Variants in SH2D4B observed in about 807,000 individuals in gnomAD.
SH2D4B encodes SH2 domain-containing protein 4B.
SH2D4B carries 45 observed loss-of-function variants against 61.5 expected under a neutral mutation model. The ratio of observed to expected loss-of-function variants is 0.73; its 90% CI spans 0.58 to 0.94. SH2D4B has a LOEUF of 0.94. Among genes scored for constraint, SH2D4B ranks in the 40% least tolerant of loss-of-function variants. The probability of loss-of-function intolerance (pLI) is 0.00; values close to 1 mark genes in which losing one functional copy is unlikely to be tolerated. For missense variants in SH2D4B, 572 were observed against 574.2 expected (o/e 1.00, Z 0.04); for synonymous variants, 224 against 220.4 (o/e 1.02, Z -0.14).
At chr10:80,619,541 G>A (rs1842694784) in intron 6 of SH2D4B, among the ~76,000 whole-genome samples, 1 of 152,204 alleles carries the variant, frequency 6.6e-6, no homozygotes, top group Non-Finnish European at 1.5e-5. Flanking sequence ...CTGGGCTTCT[G>A]CCTCAGTTCC....
At chr10:80,612,402 G>C (rs1842613611) in intron 6 of SH2D4B, among the ~76,000 whole-genome samples, 2 of 151,998 alleles carry the variant, frequency 1.3e-5, no homozygotes, top group Non-Finnish European at 2.9e-5. Context: ...GGGCTTGGTT[G>C]GGCGTCTCAG....
intron 1 of SH2D4B, among the ~76,000 whole-genome samples, chr10:80,568,466 G>A (rs1292008884): frequency 6.6e-6 from 1 of 152,104 alleles, no homozygotes; most frequent in African/African-American, 2.4e-5. Context: ...TGGGAAGCAG[G>A]GCCTTGGGCA....
At position 80,549,365 on chromosome 10, in the gene SH2D4B, G is replaced by A. The variant is rs79727876; in HGVS notation, c.184+10850G>A. ...GGCCCTGCCGTGCAGTGGGTGCTTC[G>A]CCCAGGTTTGTGGCCTTGACATTGA... On this transcript the variant is annotated intron_variant, in intron 1 of 7. Transcript: ENST00000646907. Among the ~76,000 whole-genome samples the A allele has an allele frequency of 1.0e-3, 158 of 152,302 alleles. 3 individuals are homozygous for A. The East Asian group carries it at 0.027, about 26-fold the overall frequency.
At chr10:80,582,111 C>G (rs901024958) in intron 3 of SH2D4B, among the ~76,000 whole-genome samples, 2 of 152,180 alleles carry the variant, frequency 1.3e-5, no homozygotes, top group Non-Finnish European at 2.9e-5. Context: ...AGGTAAGTGA[C>G]TTCTTCTAAT....
chr10:80,618,473 T>G (rs1842682996), intron 6 of SH2D4B, among the ~76,000 whole-genome samples: 1 of 152,180 alleles, frequency 6.6e-6, no homozygotes, highest in African/African-American at 2.4e-5. Context: ...ATGGTTAAAT[T>G]TCATTTGGCG....
intron 7 of SH2D4B, among the ~76,000 whole-genome samples, chr10:80,638,452 C>T (rs1200746191): frequency 6.6e-6 from 1 of 152,140 alleles, no homozygotes; most frequent in Non-Finnish European, 1.5e-5. Context: ...TAATTATTGC[C>T]TCAATTTCAG....
chr10:80,614,151 G>T (rs1439411397), intron 6 of SH2D4B, among the ~76,000 whole-genome samples: 3 of 152,160 alleles, frequency 2.0e-5, no homozygotes, highest in Admixed American at 1.3e-4. Context: ...TTTTTGTGTT[G>T]CTGTAAACAA....
At chr10:80,584,168 G>T (rs907224339) in intron 3 of SH2D4B, among the ~76,000 whole-genome samples, 3 of 152,186 alleles carry the variant, frequency 2.0e-5, no homozygotes, top group African/African-American at 7.2e-5. Flanking sequence ...TGCATTCTTA[G>T]CTGAGAAGTG....
In SH2D4B at chr10:80,570,222, G is replaced by C; in HGVS notation, c.253G>C (p.Glu85Gln). ...DGEVWVWIMG[E>Q]GPGDKPYEEI... ...CGAGGTCTGGGTCTGGATCATGGGA[G>C]AAGGCCCTGGTGACAAGCCCTACGA... The change falls in exon 2 of 8, where the codon GAA (glutamate) becomes CAA (glutamine). Residue 85 changes from glutamate to glutamine, a missense_variant. Transcript: ENST00000646907. The C allele has an allele frequency of 6.2e-7, 1 of 1,614,186 alleles. No homozygotes were observed. The highest frequency in any genetic ancestry group is 8.5e-7 in the Non-Finnish European group (1 of 1,180,024).
chr10:80,639,674 C>G (rs1240247998), intron 7 of SH2D4B, among the ~76,000 whole-genome samples: 1 of 152,140 alleles, frequency 6.6e-6, no homozygotes, highest in Non-Finnish European at 1.5e-5. Context: ...CTATGTGTGT[C>G]TCTGCATGTG....
chr10:80,640,695 T>G (rs1189638339), intron 7 of SH2D4B, among the ~76,000 whole-genome samples: 2 of 152,204 alleles, frequency 1.3e-5, no homozygotes, highest in Non-Finnish European at 2.9e-5. Context: ...TTGTCTAATC[T>G]TTTTTCAAGG....
Position 80,571,502 on chromosome 10 carries a change from C to A in SH2D4B, c.419C>A (p.Ala140Glu). The change falls in exon 3 of 8, where the codon GCG becomes GAG. Residue 140 changes from alanine (A) to glutamate (E), a missense_variant. Physicochemically the swap from Ala to Glu is moderately radical, Grantham distance 107. Coordinates refer to ENST00000646907, the MANE Select transcript of SH2D4B (RefSeq NM_001388272.1). The stretch of plus-strand genomic sequence containing the variant: ...GCCAATGAGAAAGCCCGGATCTTGG[C>A]GGAGAAGTGGAAAGTGGAGATGGAA... ...ALANEKARILAEKWKVEMEDR... is the reference protein window; with the variant it reads ...ALANEKARILEEKWKVEMEDR... 1 of 1,614,086 alleles carries A rather than the reference C, an allele frequency of 6.2e-7. No individual in the cohort carries two copies. Among genetic ancestry groups the A allele is most frequent in the Non-Finnish European group, 8.5e-7 (1 of 1,180,008 alleles).
chr10:80,641,646 C>T (rs1211629584), intron 7 of SH2D4B, among the ~76,000 whole-genome samples: 1 of 152,232 alleles, frequency 6.6e-6, no homozygotes, highest in African/African-American at 2.4e-5. Flanking sequence ...GTTTGCTTTT[C>T]CTGTATAATA....
intron 1 of SH2D4B, among the ~76,000 whole-genome samples, chr10:80,552,988 T>G (rs1332122584): frequency 6.6e-6 from 1 of 152,142 alleles, no homozygotes; most frequent in Non-Finnish European, 1.5e-5. Flanking sequence ...CGATCTTGGC[T>G]CACTGCAACC....
chr10:80,581,886 G>A (rs539954240), intron 3 of SH2D4B, among the ~76,000 whole-genome samples: 2 of 152,144 alleles, frequency 1.3e-5, no homozygotes, highest in African/African-American at 4.8e-5. Flanking sequence ...TGGGTCCTTT[G>A]GTATACTTCA....
chr10:80,562,925 GGAGTCTCGCTCTGT>G (rs1841920747), intron 1 of SH2D4B, among the ~76,000 whole-genome samples: 4 of 128,820 alleles, frequency 3.1e-5, no homozygotes, highest in African/African-American at 5.9e-5. Flanking sequence ...TTTTTGAGAC[GGAGTCTCGCTCTGT>G]CGCCCAGGCT....
chr10:80,611,170 A>G (rs1842593245), intron 6 of SH2D4B, among the ~76,000 whole-genome samples: 1 of 106,432 alleles, frequency 9.4e-6, no homozygotes, highest in Non-Finnish European at 1.8e-5. Context: ...AGCGAGACTC[A>G]GTCTCAAAAA....
intron 1 of SH2D4B, among the ~76,000 whole-genome samples, chr10:80,562,288 C>T (rs1430673237): frequency 1.3e-5 from 2 of 152,144 alleles, no homozygotes; most frequent in Non-Finnish European, 2.9e-5. Context: ...ACAAGTAAGT[C>T]CTTACTTAAC....
chr10:80,587,269 T>G (rs143636230), intron 3 of SH2D4B, among the ~76,000 whole-genome samples: 30 of 151,140 alleles, frequency 2.0e-4, no homozygotes, highest in African/African-American at 6.1e-4. Context: ...AACTCTTGTT[T>G]TTGTTGTTGT....
Sources: gnomAD v4.1 joint callset for allele counts (sites outside exome capture counted in the v4.1 genomes callset) on GRCh38, gnomAD v4.1.1 for gene constraint, MANE v1.5 for transcripts, NCBI Gene and HGNC (gene_info 2026-07-23, HGNC 2026-07-21) for gene names.